Variants in MMRN1 observed in about 807,000 individuals in gnomAD.
MMRN1 encodes multimerin 1, also known as multimerin-1.
In MMRN1, 94 loss-of-function variants were observed where a neutral mutation model predicts 100.7. That is an observed-to-expected ratio of 0.93 (90% confidence interval 0.79 to 1.11). The LOEUF is 1.11. Among genes scored for constraint, MMRN1 ranks in the 50% least tolerant of loss-of-function variants. The pLI, the probability that MMRN1 is intolerant of heterozygous loss-of-function variation, is 0.00. For missense variants in MMRN1, 1,606 were observed against 1,439.1 expected (o/e 1.12, Z -1.88); for synonymous variants, 575 against 505.0 (o/e 1.14, Z -1.86).
intron 5 of MMRN1, among the ~76,000 whole-genome samples, chr4:89,933,723 G>A (rs192934552): frequency 2.2e-4 from 33 of 152,210 alleles, no homozygotes; most frequent in Admixed American, 9.2e-4. Flanking sequence ...ACCCACCCCC[G>A]TGATTCAATT....
In MMRN1 at chr4:89,953,439, A is replaced by G. The variant is rs755431001; in HGVS notation, c.*21A>G. On this transcript the variant is annotated 3_prime_UTR_variant, in exon 8 of 8. Coordinates refer to ENST00000264790, the MANE Select transcript of MMRN1 (RefSeq NM_007351.3). ...CATAAGTTAGTATGAAAAACAGACT[A>G]TCACCTTTATTGAGAAACAGCCAGT... 5 of 1,551,912 alleles carry G rather than the reference A, an allele frequency of 3.2e-6. No individual in the cohort carries two copies. The East Asian group carries it at 6.8e-5, about 21-fold the overall frequency.
intron 1 of MMRN1, among the ~76,000 whole-genome samples, chr4:89,899,360 A>G (rs1442098320): frequency 6.6e-6 from 1 of 152,152 alleles, no homozygotes; most frequent in Non-Finnish European, 1.5e-5. Context: ...TGTTGAACAA[A>G]TATTTGCTGA....
At chr4:89,884,879 G>C (rs1456181401) in intron 1 of MMRN1, among the ~76,000 whole-genome samples, 1 of 151,940 alleles carries the variant, frequency 6.6e-6, no homozygotes, top group Non-Finnish European at 1.5e-5. Context: ...ATTCCTTATT[G>C]CATCAGCTAG....
In MMRN1 at chr4:89,934,810, G is replaced by T. The variant is rs1027844357; in HGVS notation, c.1130G>T (p.Gly377Val). 2.8e-6 allele frequency: 4 copies of T among 1,430,578 alleles called. No homozygotes were observed. Among genetic ancestry groups the T allele is most frequent in the East Asian group, 2.4e-5 (1 of 42,414 alleles). 88.6% of individuals were successfully genotyped at this position (1,430,578 alleles called of 1,614,324 possible). A position where few individuals can be genotyped will look rare whatever the true frequency, so the allele number is the denominator to read the frequency against. Residue 377 changes from glycine to valine, a missense_variant and splice_region_variant, in exon 6 of 8, where the codon GGT (glycine) becomes GTT (valine). Gly to Val is a moderately radical substitution (Grantham distance 109). Coordinates refer to ENST00000264790, the MANE Select transcript of MMRN1 (RefSeq NM_007351.3). Reference sequence around the variant, plus strand: ...TATTATTAATTATTTCTTTCTCTAGGTCTAAAATCCAAAAGCATTAATGTA... The same window carrying T: ...TATTATTAATTATTTCTTTCTCTAGTTCTAAAATCCAAAAGCATTAATGTA... ...KSREFQSLLK[G>V]LKSKSINVLI...
chr4:89,944,713 G>A (rs1722934477), intron 6 of MMRN1, among the ~76,000 whole-genome samples: 1 of 152,082 alleles, frequency 6.6e-6, no homozygotes, highest in Non-Finnish European at 1.5e-5. Context: ...TCAAAGAGCA[G>A]GGAGATTACT....
chr4:89,951,511 G>A, intron 6 of MMRN1, 94 bp from the exon 7 acceptor site: 1 of 1,306,792 alleles, frequency 7.7e-7, no homozygotes, highest in Non-Finnish European at 1.0e-6. Context: ...TTAAAATTCA[G>A]TCTTTTTCCT....
rs746568693 is a variant in MMRN1 at position 89,936,368 on chromosome 4, G to A, written c.2688G>A (p.Leu896=). 20 of 1,610,462 alleles carry A rather than the reference G, an allele frequency of 1.2e-5. No individual in the cohort carries two copies. The highest frequency in any genetic ancestry group is 1.0e-4 in the Admixed American group (6 of 59,348). ...VTNERDQALQ[L]QVLNSRFKAL... ...ATGAGAGAGATCAGGCTCTTCAACT[G>A]CAAGTATTAAATTCCAGATTTAAGG... The change falls in exon 6 of 8, where the codon CTG becomes CTA. Residue 896 remains leucine (L), a synonymous_variant. Coordinates refer to ENST00000264790, the MANE Select transcript of MMRN1 (RefSeq NM_007351.3).
At chr4:89,887,426 G>A (rs1482926488) in intron 1 of MMRN1, among the ~76,000 whole-genome samples, 6 of 152,022 alleles carry the variant, frequency 3.9e-5, no homozygotes, top group African/African-American at 1.4e-4. Flanking sequence ...AACCAAAATA[G>A]GATGGTGCTG....
chr4:89,909,111 A>G (rs923221941), intron 1 of MMRN1, among the ~76,000 whole-genome samples, 165 bp from the exon 2 acceptor site: 6 of 151,482 alleles, frequency 4.0e-5, no homozygotes, highest in African/African-American at 1.5e-4. Context: ...TACAGTAATA[A>G]GTTATTTTCT....
intron 1 of MMRN1, among the ~76,000 whole-genome samples, chr4:89,889,379 A>G (rs890372437): frequency 3.9e-5 from 6 of 152,030 alleles, no homozygotes; most frequent in African/African-American, 4.8e-5. Flanking sequence ...CTTAACCCAA[A>G]AGTTTCCTTC....
chr4:89,930,492 G>A (rs928333406), intron 5 of MMRN1, among the ~76,000 whole-genome samples: 1 of 151,702 alleles, frequency 6.6e-6, no homozygotes, highest in Non-Finnish European at 1.5e-5. Flanking sequence ...AACATTTATT[G>A]TCATTGTCCA....
At chr4:89,915,575 A>G (rs535934698) in intron 3 of MMRN1, among the ~76,000 whole-genome samples, 2 of 151,402 alleles carry the variant, frequency 1.3e-5, no homozygotes, top group Non-Finnish European at 3.0e-5. Flanking sequence ...AACAAAAAAA[A>G]CTTGCAAATA....
At position 89,951,618 on chromosome 4, in the gene MMRN1, C is replaced by A; in HGVS notation, c.3132C>A (p.Ser1044Arg). 1.3e-6 allele frequency: 2 copies of A among 1,517,012 alleles called. No individual in the cohort carries two copies. Among genetic ancestry groups the A allele is most frequent in the Non-Finnish European group, 1.8e-6 (2 of 1,136,502 alleles). 94.0% of individuals were successfully genotyped at this position (1,517,012 alleles called of 1,614,324 possible). A position where few individuals can be genotyped will look rare whatever the true frequency, so the allele number is the denominator to read the frequency against. ...DNIIYPEEYS[S>R]CSRHPCQNGG... is the part of the protein sequence containing the mutation. ...TTTCCGTAACAGAGGAGTATTCAAG[C>A]TGTAGTCGGCATCCGTGCCAAAATG... Residue 1044 changes from serine (S) to arginine (R), a missense_variant, in exon 7 of 8, where the codon AGC becomes AGA. Coordinates refer to ENST00000264790, the MANE Select transcript of MMRN1 (RefSeq NM_007351.3).
chr4:89,928,771 G>A (rs562034674), intron 5 of MMRN1, among the ~76,000 whole-genome samples: 3 of 152,174 alleles, frequency 2.0e-5, no homozygotes, highest in South Asian at 2.1e-4. Flanking sequence ...ATGTAACTCC[G>A]TTGGACCTAC....
In MMRN1 at chr4:89,935,138, T is replaced by C; in HGVS notation, c.1458T>C (p.Thr486=). The C allele has an allele frequency of 6.2e-7, 1 of 1,613,632 alleles. No homozygotes were observed. The highest frequency in any genetic ancestry group is 8.5e-7 in the Non-Finnish European group (1 of 1,179,744). ...TTAAAGAACTAGAAGTAAAGCAGAC[T>C]CATTTAGAAGGTGCTCTAGAACAGG... ...KPIKELEVKQ[T]HLEGALEQEH... Residue 486 remains threonine, a synonymous_variant, in exon 6 of 8, where the codon ACT becomes ACC. Coordinates refer to ENST00000264790, the MANE Select transcript of MMRN1 (RefSeq NM_007351.3).
intron 6 of MMRN1, among the ~76,000 whole-genome samples, chr4:89,944,029 T>C (rs955745949): frequency 4.0e-5 from 6 of 151,760 alleles, no homozygotes; most frequent in Admixed American, 3.3e-4. Context: ...AGCAGTGCAA[T>C]GTTCTGTTAT....
At chr4:89,894,552 C>A (rs1217933432), upstream of MMRN1, among the ~76,000 whole-genome samples, 3 of 152,138 alleles carry the variant, frequency 2.0e-5, no homozygotes, top group Admixed American at 2.0e-4. Flanking sequence ...AATGTTAAAA[C>A]TGTATTCAGC....
chr4:89,909,488 A>C, intron 2 of MMRN1, 93 bp downstream of exon 2: 1 of 1,464,718 alleles, frequency 6.8e-7, no homozygotes, highest in Middle Eastern at 1.8e-4. Context: ...GGTACATAAT[A>C]CATAGTAGGG....
At chr4:89,886,968 G>A (rs1467529484) in intron 1 of MMRN1, among the ~76,000 whole-genome samples, 1 of 151,988 alleles carries the variant, frequency 6.6e-6, no homozygotes, top group Non-Finnish European at 1.5e-5. Context: ...CCATCTAACT[G>A]TATTTTGTAT....
Sources: gnomAD v4.1 joint callset for allele counts (sites outside exome capture counted in the v4.1 genomes callset) on GRCh38, gnomAD v4.1.1 for gene constraint, MANE v1.5 for transcripts, NCBI Gene and HGNC (gene_info 2026-07-23, HGNC 2026-07-21) for gene names.